The following INO80 variants were observed in gnomAD, a reference collection of about 807,000 sequenced individuals.
The protein encoded by INO80 is chromatin-remodeling ATPase INO80.
In INO80, 20 loss-of-function variants were observed where a neutral mutation model predicts 203.4. The ratio of observed to expected loss-of-function variants is 0.10; its 90% CI spans 0.07 to 0.14. INO80 has a LOEUF of 0.14. Among genes scored for constraint, INO80 ranks in the 10% least tolerant of loss-of-function variants. The pLI is 1.00. For synonymous variants in INO80, 726 were observed against 685.2 expected (o/e 1.06, Z -0.93); for missense variants, 1,419 against 1,914.4 (o/e 0.74, Z 4.83).
At chr15:41,052,172 G>A (rs1197671598) in intron 19 of INO80, among the ~76,000 whole-genome samples, 1 of 151,672 alleles carries the variant, frequency 6.6e-6, no homozygotes, top group Non-Finnish European at 1.5e-5. Flanking sequence ...ATGAACTATT[G>A]TTTACATGAC....
At chr15:40,988,676 T>C (rs1044684475) in intron 29 of INO80, among the ~76,000 whole-genome samples, 3 of 152,134 alleles carry the variant, frequency 2.0e-5, no homozygotes, top group South Asian at 2.1e-4. Flanking sequence ...GGTCAGGAGT[T>C]AGAGACCAGC....
intron 16 of INO80, 111 bp from the exon 17 acceptor site, chr15:41,056,817 T>G (rs72737716): frequency 0.015 from 11,749 of 785,416 alleles, 102 homozygotes; most frequent in Non-Finnish European, 0.02. Context: ...ACATTCAGAA[T>G]CAAGTACTCC....
chr15:41,048,638 A>C (rs988299120), intron 21 of INO80, among the ~76,000 whole-genome samples: 1 of 152,214 alleles, frequency 6.6e-6, no homozygotes, highest in Admixed American at 6.5e-5. Flanking sequence ...ATGAAGTAAA[A>C]TCCAAGAAAT....
intron 24 of INO80, among the ~76,000 whole-genome samples, chr15:41,028,571 A>C (rs1302014278): frequency 6.6e-6 from 1 of 152,144 alleles, no homozygotes; most frequent in Non-Finnish European, 1.5e-5. Context: ...TTTAAAATAT[A>C]TTTATTGTTC....
chr15:41,020,827 G>A, intron 26 of INO80, 73 bp downstream of exon 26: 2 of 905,732 alleles, frequency 2.2e-6, no homozygotes, highest in East Asian at 4.9e-5. Flanking sequence ...TATCTGAAAG[G>A]ACCACATGAA....
At chr15:41,061,450 CAAAAAAAAAA>C (rs980593225) in intron 14 of INO80, among the ~76,000 whole-genome samples, 4 of 66,916 alleles carry the variant, frequency 6.0e-5, no homozygotes, top group African/African-American at 5.3e-5. Context: ...ACCAAAAATA[CAAAAAAAAAA>C]AAAAAAAAAA....
Position 41,072,091 on chromosome 15 carries a change from A to T in INO80, c.1396-33T>A, listed in dbSNP as rs201573206. On this transcript the variant is annotated intron_variant, in intron 11 of 35. Coordinates refer to ENST00000648947, the MANE Select transcript of INO80 (RefSeq NM_017553.3). ...GTAAAAAAAAAAAAAATTAGAAAAA[A>T]AAAAAAGAGGAAAAATATTACATGA... is the stretch of plus-strand genomic sequence containing the variant. 99 of 1,376,830 alleles carry T rather than the reference A, an allele frequency of 7.2e-5. No homozygotes were observed. In the East Asian group the frequency reaches 1.1e-3, roughly 15 times the overall value. 85.3% of individuals were successfully genotyped at this position (1,376,830 alleles called of 1,614,324 possible). A position where few individuals can be genotyped will look rare whatever the true frequency, so the allele number is the denominator to read the frequency against.
chr15:41,091,864 G>A (rs574781318), intron 5 of INO80, among the ~76,000 whole-genome samples, 163 bp downstream of exon 5: 11 of 151,666 alleles, frequency 7.3e-5, no homozygotes, highest in Admixed American at 2.0e-4. Flanking sequence ...ATGTTGGCCG[G>A]GATGGTTTCA....
At chr15:40,996,037 G>A (rs566385105) in intron 29 of INO80, among the ~76,000 whole-genome samples, 6 of 141,420 alleles carry the variant, frequency 4.2e-5, no homozygotes, top group African/African-American at 1.7e-4. Context: ...TCAGATTAGT[G>A]AGAGAGAGAG....
chr15:41,060,994 A>G (rs1170904373), intron 14 of INO80, among the ~76,000 whole-genome samples: 2 of 152,232 alleles, frequency 1.3e-5, no homozygotes, highest in African/African-American at 4.8e-5. Context: ...AGAGGAGATT[A>G]AAATAATAAA....
In INO80 at chr15:40,983,624, C is replaced by T. The variant is rs191034790; in HGVS notation, c.4237+138G>A. On this transcript the variant is annotated intron_variant, in intron 34 of 35. Transcript: ENST00000648947. Reference sequence around the variant, plus strand: ...TACTTATTTTGCTTTCCCTAAACCTCGTTTTCTCATTTCACTTGACAAAGC... The same window carrying T: ...TACTTATTTTGCTTTCCCTAAACCTTGTTTTCTCATTTCACTTGACAAAGC... The T allele has an allele frequency of 3.2e-3, 2,398 of 747,616 alleles. 44 individuals are homozygous for T. Among genetic ancestry groups the T allele is most frequent in the Non-Finnish European group, 4.9e-4 (231 of 471,612 alleles). 46.3% of individuals were successfully genotyped at this position (747,616 alleles called of 1,614,324 possible).
At chr15:41,085,257 T>C in intron 7 of INO80, 112 bp downstream of exon 7, 1 of 905,214 alleles carries the variant, frequency 1.1e-6, no homozygotes, top group Non-Finnish European at 1.8e-6. Context: ...AACAGATTAG[T>C]TTCTTTGCAG....
chr15:41,003,916 T>A (rs1227156230), intron 28 of INO80, among the ~76,000 whole-genome samples: 1 of 152,170 alleles, frequency 6.6e-6, no homozygotes, highest in African/African-American at 2.4e-5. Flanking sequence ...TGAGGAAACA[T>A]ACAGTCTATA....
intron 9 of INO80, among the ~76,000 whole-genome samples, chr15:41,075,163 A>T (rs1297927693): frequency 6.6e-6 from 1 of 152,216 alleles, no homozygotes; most frequent in Non-Finnish European, 1.5e-5. Context: ...CTATGGTGGC[A>T]CAGAGACAAC....
chr15:41,052,882 A>G (rs2044906629), intron 19 of INO80, among the ~76,000 whole-genome samples: 1 of 151,368 alleles, frequency 6.6e-6, no homozygotes, highest in Admixed American at 6.6e-5. Flanking sequence ...AAAATACAAA[A>G]ATTAGCCAGG....
intron 32 of INO80, among the ~76,000 whole-genome samples, 191 bp from the exon 33 acceptor site, chr15:40,984,543 C>T (rs923545504): frequency 2.0e-5 from 3 of 151,498 alleles, no homozygotes; most frequent in African/African-American, 4.9e-5. Flanking sequence ...GTATTTCAGT[C>T]GAGTACTGTG....
chr15:41,086,865 T>C (rs1432843201), intron 6 of INO80, among the ~76,000 whole-genome samples: 1 of 152,120 alleles, frequency 6.6e-6, no homozygotes, highest in Non-Finnish European at 1.5e-5. Context: ...GCAACAATGA[T>C]AACTTATTCC....
intron 24 of INO80, among the ~76,000 whole-genome samples, chr15:41,035,084 A>G (rs2044548292): frequency 6.6e-6 from 1 of 152,252 alleles, no homozygotes; most frequent in Non-Finnish European, 1.5e-5. Context: ...CTGTGAAGAA[A>G]CACGGGTAAC....
chr15:41,012,561 T>TAAAAAAAAAAA (rs71104767), intron 27 of INO80, among the ~76,000 whole-genome samples: 2,881 of 90,592 alleles, frequency 0.032, 165 homozygotes, highest in African/African-American at 0.092. Flanking sequence ...AGACTCTTTT[T>TAAAAAAAAAAA]AAAAAAAAAA....
Sources: allele counts gnomAD v4.1 joint callset (sites outside exome capture counted in the v4.1 genomes callset), GRCh38; gene constraint gnomAD v4.1.1; transcripts MANE v1.5; gene names NCBI Gene and HGNC (gene_info 2026-07-23, HGNC 2026-07-21).